Variants in PAM16 observed in about 807,000 individuals in gnomAD.
The protein encoded by PAM16 is mitochondrial import inner membrane translocase subunit TIM16.
PAM16 carries 11 observed loss-of-function variants against 17.9 expected under a neutral mutation model. The observed-to-expected ratio is 0.62, with a 90% CI of 0.39 to 1.02. The LOEUF (loss-of-function observed/expected upper bound fraction) is 1.02. Ranked by LOEUF, PAM16 falls within the 50% of genes least tolerant of loss-of-function variation. The pLI is 0.01. For synonymous variants in PAM16, 72 were observed against 67.4 expected (o/e 1.07, Z -0.34); for missense variants, 199 against 165.4 (o/e 1.20, Z -1.11).
At chr16:4,341,270 C>A in intron 3 of PAM16, 98 bp downstream of exon 3, 1 of 1,486,348 alleles carries the variant, frequency 6.7e-7, no homozygotes, top group East Asian at 2.5e-5. Context: ...GGTGCAGCTG[C>A]AGCCTCCACA....
intron 1 of PAM16, 132 bp from the exon 2 acceptor site, chr16:4,343,423 G>A: frequency 6.9e-7 from 1 of 1,454,214 alleles, no homozygotes; most frequent in Non-Finnish European, 9.1e-7. Context: ...GCAGCCCCAG[G>A]CCAACCCCTC....
intron 3 of PAM16, 98 bp downstream of exon 3, chr16:4,341,270 C>T (rs1364791789): frequency 4.0e-6 from 6 of 1,486,348 alleles, no homozygotes; most frequent in Non-Finnish European, 5.4e-6. Context: ...GGTGCAGCTG[C>T]AGCCTCCACA....
chr16:4,344,949 A>C (rs541049532), intron 1 of PAM16, among the ~76,000 whole-genome samples: 1 of 152,112 alleles, frequency 6.6e-6, no homozygotes, highest in South Asian at 2.1e-4. Flanking sequence ...GACTGGGTTG[A>C]GCCAAAACTG....
chr16:4,341,671 G>C, intron 2 of PAM16, 167 bp from the exon 3 acceptor site: 1 of 1,194,326 alleles, frequency 8.4e-7, no homozygotes, highest in Non-Finnish European at 1.1e-6. Context: ...AGGGGGTAGA[G>C]GCTGGGAAAG....
intron 2 of PAM16, among the ~76,000 whole-genome samples, chr16:4,341,826 C>T (rs750870657): frequency 1.3e-5 from 2 of 152,130 alleles, no homozygotes; most frequent in Non-Finnish European, 2.9e-5. Flanking sequence ...CTTTAGGCTA[C>T]GATGGAGACT....
Position 4,343,295 on chromosome 16 carries a change from T to TCTGCCTCC in PAM16, c.4-5_4-4insGGAGGCAG. 6.2e-7 allele frequency: 1 copy of TCTGCCTCC among 1,606,920 alleles called. No homozygotes were observed. Among genetic ancestry groups the TCTGCCTCC allele is most frequent in the Admixed American group, 1.7e-5 (1 of 59,256 alleles). ...TGATCTGGGCCAGGTACTTGGCCTG[T>TCTGCCTCC]GGGCAAAGCAGGCACCCGGTTAGCA... On this transcript the variant is annotated splice_polypyrimidine_tract_variant and splice_region_variant and intron_variant, in intron 1 of 4. Transcript: ENST00000318059.
At chr16:4,343,895 A>C (rs940467316) in intron 1 of PAM16, 2 of 397,776 alleles carry the variant, frequency 5.0e-6, no homozygotes, top group African/African-American at 4.1e-5. Flanking sequence ...CATGAGGGAG[A>C]GTCAGGCTCG....
rs1386499108 is a variant in PAM16, at chr16:4,340,529, T to C, written c.292-124A>G. ...TTGAAGGGCAGTGGGTGGATACCAA[T>C]GCTTCCTTCAGTGGCACCCCAGGGT... On this transcript the variant is annotated intron_variant, in intron 4 of 4. Transcript: ENST00000318059. 1.5e-5 allele frequency: 16 copies of C among 1,092,882 alleles called. No homozygotes were observed. In the Admixed American group the frequency reaches 3.7e-4, roughly 25 times the overall value. 67.7% of individuals were successfully genotyped at this position (1,092,882 alleles called of 1,614,324 possible). A position where few individuals can be genotyped will look rare whatever the true frequency, so the allele number is the denominator to read the frequency against.
chr16:4,344,620 T>C (rs533019041), intron 1 of PAM16, among the ~76,000 whole-genome samples: 3 of 22,862 alleles, frequency 1.3e-4, no homozygotes, highest in African/African-American at 8.2e-4. Context: ...GGGGGGGTTC[T>C]GTGAGAGGAG....
At chr16:4,340,641 A>G (rs2053629558) in intron 4 of PAM16, among the ~76,000 whole-genome samples, 1 of 152,144 alleles carries the variant, frequency 6.6e-6, no homozygotes, top group Admixed American at 6.5e-5. Context: ...CTAGCACCCC[A>G]CCCACGGGGG....
intron 1 of PAM16, chr16:4,345,929 C>T (rs2053751443): frequency 2.4e-5 from 24 of 985,270 alleles, no homozygotes; most frequent in Non-Finnish European, 2.8e-5. Context: ...CTACCCCTCA[C>T]ACCAACAGCC....
chr16:4,341,077 G>T, intron 3 of PAM16, 92 bp from the exon 4 acceptor site: 1 of 1,486,170 alleles, frequency 6.7e-7, no homozygotes, highest in Non-Finnish European at 9.4e-7. Flanking sequence ...GAGGCAACAG[G>T]ACTCCTCTCC....
intron 2 of PAM16, 69 bp downstream of exon 2, chr16:4,343,138 C>A: frequency 6.2e-7 from 1 of 1,605,586 alleles, no homozygotes; most frequent in South Asian, 1.1e-5. Context: ...CTGAGGTGCC[C>A]ATGGCTACGG....
intron 1 of PAM16, among the ~76,000 whole-genome samples, chr16:4,350,063 C>T (rs1227844610): frequency 1.3e-5 from 2 of 152,066 alleles, no homozygotes; most frequent in East Asian, 3.8e-4. Flanking sequence ...ACTTGGGGAA[C>T]TTACGTGTGC....
chr16:4,351,288 G>A lies in PAM16; in HGVS notation c.-54C>T, dbSNP rs969454436. On this transcript the variant is annotated 5_prime_UTR_variant, in exon 1 of 5. Transcript: ENST00000318059. ...CTCCGACTTCCTGGCCCCGCGGCCG[G>A]GGATCAAGCGTGGTCGGCGGGTCAG... 4.2e-6 allele frequency: 6 copies of A among 1,415,210 alleles called. No individual in the cohort carries two copies. The highest frequency in any genetic ancestry group is 5.6e-6 in the Non-Finnish European group (6 of 1,069,350). 87.7% of individuals were successfully genotyped at this position (1,415,210 alleles called of 1,614,324 possible).
At chr16:4,347,537 G>C (rs2053777038) in intron 1 of PAM16, 1 of 152,268 alleles carries the variant, frequency 6.6e-6, no homozygotes, top group African/African-American at 2.4e-5. Context: ...ACACCACATG[G>C]ACAAACAGCG....
At chr16:4,349,542 G>A (rs1040298970) in intron 1 of PAM16, among the ~76,000 whole-genome samples, 3 of 152,126 alleles carry the variant, frequency 2.0e-5, no homozygotes, top group South Asian at 2.1e-4. Flanking sequence ...AGCTGTGATC[G>A]TACCACTGTA....
At chr16:4,349,345 AC>A (rs1374420877) in intron 1 of PAM16, among the ~76,000 whole-genome samples, 1 of 152,114 alleles carries the variant, frequency 6.6e-6, no homozygotes, top group Non-Finnish European at 1.5e-5. Flanking sequence ...AGGCAGGAGG[AC>A]TGCTTGGGCC....
chr16:4,342,156 C>T (rs1292320929), intron 2 of PAM16, among the ~76,000 whole-genome samples: 2 of 152,032 alleles, frequency 1.3e-5, no homozygotes, highest in Non-Finnish European at 2.9e-5. Flanking sequence ...CGAGACCATC[C>T]TGGCCAAAAT....
Sources: allele counts gnomAD v4.1 joint callset (sites outside exome capture counted in the v4.1 genomes callset), GRCh38; gene constraint gnomAD v4.1.1; transcripts MANE v1.5; gene names NCBI Gene and HGNC (gene_info 2026-07-23, HGNC 2026-07-21).